TDRD3: variants seen among roughly 807,000 people sequenced by gnomAD.
TDRD3 encodes tudor domain containing 3, also known as tudor domain-containing protein 3.
TDRD3 carries 45 observed loss-of-function variants against 86.7 expected under a neutral mutation model. The observed-to-expected ratio is 0.52, with a 90% confidence interval of 0.41 to 0.67. The LOEUF is 0.67. Among genes scored for constraint, TDRD3 ranks in the 30% least tolerant of loss-of-function variants. TDRD3 has a pLI of 0.00. For synonymous variants in TDRD3, 298 were observed against 301.7 expected, an observed-to-expected ratio of 0.99 and a Z score of 0.13; for missense variants, 814 against 889.0, an observed-to-expected ratio of 0.92 and a Z score of 1.07.
At chr13:60,479,154 G>A (rs2137473417) in intron 5 of TDRD3, among the ~76,000 whole-genome samples, 1 of 152,238 alleles carries the variant, frequency 6.6e-6, no homozygotes, top group African/African-American at 2.4e-5. Context: ...AACACTAAAA[G>A]CTTTCCTCTT....
intron 3 of TDRD3, among the ~76,000 whole-genome samples, chr13:60,445,993 T>C (rs2137987103): frequency 6.6e-6 from 1 of 152,264 alleles, no homozygotes; most frequent in South Asian, 2.1e-4. Context: ...TCTTTAAGAT[T>C]TCCTTTGAAT....
At chr13:60,504,638 G>A (rs1032189045) in intron 8 of TDRD3, among the ~76,000 whole-genome samples, 1 of 152,170 alleles carries the variant, frequency 6.6e-6, no homozygotes, top group African/African-American at 2.4e-5. Flanking sequence ...TTGATTCGGT[G>A]GTGGCTGGCA....
At chr13:60,424,119 T>C (rs1291365322) in intron 1 of TDRD3, among the ~76,000 whole-genome samples, 2 of 151,982 alleles carry the variant, frequency 1.3e-5, no homozygotes, top group East Asian at 3.9e-4. Flanking sequence ...CCTCCCGGGT[T>C]CACGCCATTC....
At position 60,509,574 on chromosome 13, in the gene TDRD3, A is replaced by G. The variant is rs558537548; in HGVS notation, c.859-189A>G. On this transcript the variant is annotated intron_variant, in intron 8 of 13. Coordinates refer to ENST00000377881, the MANE Select transcript of TDRD3 (RefSeq NM_001146070.2). Reference sequence around the variant, plus strand: ...TGTGAGGTCAGAGAATACTCAAGGCACAACCCCACATATCATACAGATTCT... The same window carrying G: ...TGTGAGGTCAGAGAATACTCAAGGCGCAACCCCACATATCATACAGATTCT... 5.9e-6 allele frequency: 4 copies of G among 675,552 alleles called. No individual in the cohort carries two copies. In the South Asian group the frequency reaches 7.5e-5, roughly 13 times the overall value. The allele number at this position is 675,552 out of a possible 1,614,324, so 41.8% of individuals were successfully genotyped here.
chr13:60,526,338 T>G (rs1254870913), intron 10 of TDRD3, among the ~76,000 whole-genome samples: 1 of 152,168 alleles, frequency 6.6e-6, no homozygotes, highest in Non-Finnish European at 1.5e-5. Flanking sequence ...GTGTGGGCTA[T>G]GTAATACATA....
chr13:60,433,824 C>T (rs1158884401), intron 1 of TDRD3, among the ~76,000 whole-genome samples: 2 of 152,186 alleles, frequency 1.3e-5, no homozygotes, highest in Non-Finnish European at 2.9e-5. Context: ...TGCTCCGTTT[C>T]ATTATCTATA....
intron 7 of TDRD3, among the ~76,000 whole-genome samples, chr13:60,492,679 A>ATT (rs923131189): frequency 1.4e-5 from 2 of 147,738 alleles, no homozygotes; most frequent in South Asian, 4.3e-4. Context: ...CATTTCAAAT[A>ATT]TTTTTTTTTT....
chr13:60,467,517 CTATCTT>C, intron 5 of TDRD3, 138 bp downstream of exon 5: 2 of 912,738 alleles, frequency 2.2e-6, no homozygotes, highest in Non-Finnish European at 3.2e-6. Flanking sequence ...TTTAGAGAAA[CTATCTT>C]TGTCTAAGTG....
chr13:60,532,794 T>C lies in TDRD3; in HGVS notation c.1993-2314T>C, dbSNP rs145116408. On this transcript the variant is annotated intron_variant, in intron 11 of 13. Coordinates refer to ENST00000377881, the MANE Select transcript of TDRD3 (RefSeq NM_001146070.2). ...CAACCTCCATATTAGTTTCCTTGCC[T>C]GAAACTTTATTCCTTTTAAATTTGT... is the stretch of plus-strand genomic sequence containing the variant. Among the ~76,000 whole-genome samples, 1,373 of 152,272 alleles carry C rather than the reference T, an allele frequency of 9.0e-3. 20 individuals carry two copies. Among genetic ancestry groups the C allele is most frequent in the African/African-American group, 0.031 (1,306 of 41,550 alleles).
At chr13:60,521,464 TAAAA>T (rs374399233) in intron 10 of TDRD3, among the ~76,000 whole-genome samples, 3 of 147,404 alleles carry the variant, frequency 2.0e-5, no homozygotes, top group Non-Finnish European at 3.0e-5. Context: ...AGCTTTTTCT[TAAAA>T]AAAAAAAATG....
chr13:60,410,359 TG>T (rs1954333242), intron 1 of TDRD3, among the ~76,000 whole-genome samples: 1 of 152,192 alleles, frequency 6.6e-6, no homozygotes, highest in Non-Finnish European at 1.5e-5. Context: ...TCAAGTCCAC[TG>T]GGGTTTTACC....
chr13:60,424,177 A>G (rs766628908), intron 1 of TDRD3, among the ~76,000 whole-genome samples: 4 of 151,296 alleles, frequency 2.6e-5, no homozygotes, highest in African/African-American at 9.7e-5. Flanking sequence ...GCCCGCCACC[A>G]TGCCCGGCTA....
At chr13:60,473,874 G>A (rs533029078) in intron 5 of TDRD3, among the ~76,000 whole-genome samples, 3 of 152,280 alleles carry the variant, frequency 2.0e-5, no homozygotes, top group East Asian at 1.9e-4. Context: ...TAGCGGTAGC[G>A]TCAGTACCTG....
At chr13:60,527,079 C>G in intron 10 of TDRD3, among the ~76,000 whole-genome samples, 1 of 152,182 alleles carries the variant, frequency 6.6e-6, no homozygotes, top group Non-Finnish European at 1.5e-5. Flanking sequence ...AAGCAATACA[C>G]CTGCTTCAGC....
chr13:60,397,706 C>G (rs971871313), intron 1 of TDRD3, among the ~76,000 whole-genome samples: 18 of 150,230 alleles, frequency 1.2e-4, no homozygotes, highest in Admixed American at 6.6e-5. Flanking sequence ...CGGGTGGCGG[C>G]CCAGACCCCG....
intron 2 of TDRD3, among the ~76,000 whole-genome samples, chr13:60,442,109 T>G (rs1955289136): frequency 6.6e-6 from 1 of 152,180 alleles, no homozygotes; most frequent in African/African-American, 2.4e-5. Context: ...TGAAAAGGAA[T>G]GTTTTTAATT....
chr13:60,554,853 C>G (rs796806259), intron 12 of TDRD3, among the ~76,000 whole-genome samples: 29 of 152,142 alleles, frequency 1.9e-4, no homozygotes, highest in African/African-American at 6.5e-4. Context: ...GTTCCCCCAA[C>G]CTCTGTTGAA....
chr13:60,482,521 A>G (rs192607275), intron 5 of TDRD3, among the ~76,000 whole-genome samples: 1 of 152,180 alleles, frequency 6.6e-6, no homozygotes, highest in African/African-American at 2.4e-5. Context: ...TATTATTTGC[A>G]ATTCATGAAC....
intron 12 of TDRD3, among the ~76,000 whole-genome samples, chr13:60,559,784 T>C (rs1437934578): frequency 2.0e-5 from 3 of 152,162 alleles, no homozygotes; most frequent in African/African-American, 4.8e-5. Flanking sequence ...GTTTCAGTTA[T>C]GCCAGATGAA....
Sources: allele counts gnomAD v4.1 joint callset (sites outside exome capture counted in the v4.1 genomes callset), GRCh38; gene constraint gnomAD v4.1.1; transcripts MANE v1.5; gene names NCBI Gene and HGNC (gene_info 2026-07-23, HGNC 2026-07-21).